The following NFYC variants were observed in gnomAD, a reference collection of about 807,000 sequenced individuals.
NFYC encodes the protein nuclear transcription factor Y subunit gamma, also known as CAAT box DNA-binding protein subunit C.
Under a neutral mutation model 53.1 loss-of-function variants are expected in NFYC, and 25 were observed. The observed-to-expected ratio is 0.47, with a 90% CI of 0.34 to 0.66. NFYC has a LOEUF of 0.66. NFYC is among the 30% of genes least tolerant of loss of function. NFYC has a pLI of 0.01. For synonymous variants in NFYC, 145 were observed against 152.6 expected (o/e 0.95, Z 0.37); for missense variants, 260 against 422.7 (o/e 0.62, Z 3.38).
At chr1:40,757,421 A>G in intron 5 of NFYC, 1 of 516,794 alleles carries the variant, frequency 1.9e-6, no homozygotes, top group South Asian at 1.4e-5. Context: ...ATCGGACAGA[A>G]TGCGACCTCC....
chr1:40,751,784 C>A (rs543054890), intron 4 of NFYC, among the ~76,000 whole-genome samples: 1 of 152,076 alleles, frequency 6.6e-6, no homozygotes, highest in South Asian at 2.1e-4. Flanking sequence ...TCTTTTTCCC[C>A]TTTTATTCCA....
intron 1 of NFYC, among the ~76,000 whole-genome samples, chr1:40,696,024 G>GTTTTTTT (rs35472258): frequency 7.3e-6 from 1 of 136,678 alleles, no homozygotes; most frequent in African/African-American, 2.7e-5. Flanking sequence ...TTGTAATTCT[G>GTTTTTTT]TTTTTTTTTT....
At chr1:40,702,288 C>T (rs898448063) in intron 1 of NFYC, among the ~76,000 whole-genome samples, 5 of 151,370 alleles carry the variant, frequency 3.3e-5, no homozygotes, top group African/African-American at 9.7e-5. Context: ...ATTCTAATGA[C>T]GTGGTCATTG....
At chr1:40,727,679 C>T (rs1414611635) in intron 1 of NFYC, among the ~76,000 whole-genome samples, 8 of 151,962 alleles carry the variant, frequency 5.3e-5, no homozygotes, top group African/African-American at 1.9e-4. Context: ...TTCAGGCCCA[C>T]ACCACCATGC....
At chr1:40,709,831 G>C (rs1189992214) in intron 1 of NFYC, among the ~76,000 whole-genome samples, 2 of 152,174 alleles carry the variant, frequency 1.3e-5, no homozygotes, top group African/African-American at 4.8e-5. Context: ...ATGGAGAAAG[G>C]CTAATCATTT....
chr1:40,756,966 G>A (rs1442181861), intron 5 of NFYC, among the ~76,000 whole-genome samples: 1 of 152,216 alleles, frequency 6.6e-6, no homozygotes, highest in African/African-American at 2.4e-5. Flanking sequence ...ACAGTTGAGG[G>A]CACCTAACAT....
At chr1:40,702,028 C>T (rs1029058857) in intron 1 of NFYC, among the ~76,000 whole-genome samples, 2 of 152,126 alleles carry the variant, frequency 1.3e-5, no homozygotes, top group Non-Finnish European at 2.9e-5. Flanking sequence ...TCAAACAGCC[C>T]GTGCCTAACA....
intron 6 of NFYC, among the ~76,000 whole-genome samples, chr1:40,762,105 T>C (rs1477730976): frequency 8.5e-5 from 13 of 152,246 alleles, no homozygotes. Flanking sequence ...AACCATTGTG[T>C]GTGAGAGACA....
chr1:40,730,855 G>A (rs1006850534), intron 1 of NFYC, among the ~76,000 whole-genome samples: 1 of 152,184 alleles, frequency 6.6e-6, no homozygotes, highest in East Asian at 1.9e-4. Context: ...TCAACTAGTA[G>A]TACAGAGGGT....
At chr1:40,736,820 CAAAAAAAAAAAAAAA>C (rs71060396) in intron 1 of NFYC, among the ~76,000 whole-genome samples, 2 of 63,670 alleles carry the variant, frequency 3.1e-5, no homozygotes, top group Admixed American at 2.1e-4. Context: ...AAACTTATTC[CAAAAAAAAAAAAAAA>C]AAAAAAAAAG....
intron 6 of NFYC, among the ~76,000 whole-genome samples, chr1:40,759,597 T>C (rs954919114): frequency 2.0e-5 from 3 of 151,402 alleles, no homozygotes; most frequent in Admixed American, 6.6e-5. Context: ...GTATTATATA[T>C]GTGTGTATAT....
intron 1 of NFYC, among the ~76,000 whole-genome samples, chr1:40,701,861 G>A (rs968371983): frequency 7.9e-5 from 12 of 152,284 alleles, no homozygotes; most frequent in Middle Eastern, 3.4e-3. Flanking sequence ...AACTGGCCTC[G>A]ATGGAGTTGA....
At chr1:40,708,882 C>T (rs987650306) in intron 1 of NFYC, among the ~76,000 whole-genome samples, 2 of 152,212 alleles carry the variant, frequency 1.3e-5, no homozygotes, top group Admixed American at 6.5e-5. Flanking sequence ...CTTCTCTGGT[C>T]TATTGCCATA....
intron 1 of NFYC, among the ~76,000 whole-genome samples, chr1:40,728,577 C>CA (rs1644625350): frequency 6.6e-6 from 1 of 151,860 alleles, no homozygotes; most frequent in Non-Finnish European, 1.5e-5. Flanking sequence ...GCCTGGGCGA[C>CA]AGAGTGAGAC....
chr1:40,742,129 T>C (rs1645381813), intron 2 of NFYC, among the ~76,000 whole-genome samples: 1 of 151,658 alleles, frequency 6.6e-6, no homozygotes, highest in Non-Finnish European at 1.5e-5. Flanking sequence ...TAGGCTGGTC[T>C]CAAATTCCTG....
Position 40,723,793 on chromosome 1 carries a change from G to A in NFYC, c.-8-15043G>A, listed in dbSNP as rs1005358321. The A allele has an allele frequency of 2.6e-5, 4 of 151,830 alleles. No homozygotes were observed. The East Asian group carries it at 7.8e-4, about 29-fold the overall frequency. The allele number at this position is 151,830 out of a possible 1,614,324, so 9.4% of individuals were successfully genotyped here. A position where few individuals can be genotyped will look rare whatever the true frequency, so the allele number is the denominator to read the frequency against. ...CAAGCAGTCCTCCCGCCTCAGCCTC[G>A]TGAGTAGCTGGGACTACAGGTGTGG... On this transcript the variant is annotated intron_variant, in intron 1 of 9. Coordinates refer to ENST00000447388, the MANE Select transcript of NFYC (RefSeq NM_014223.5).
At chr1:40,710,923 A>T (rs1474925062) in intron 1 of NFYC, among the ~76,000 whole-genome samples, 1 of 152,210 alleles carries the variant, frequency 6.6e-6, no homozygotes, top group Non-Finnish European at 1.5e-5. Context: ...GCTCTATTTA[A>T]GATGAAAAGA....
At chr1:40,726,318 A>G (rs1012104116) in intron 1 of NFYC, among the ~76,000 whole-genome samples, 4 of 151,618 alleles carry the variant, frequency 2.6e-5, no homozygotes, top group Non-Finnish European at 5.9e-5. Context: ...GGGTTTCACC[A>G]TGTTGGCCAG....
chr1:40,701,317 G>A (rs146630461), intron 1 of NFYC, among the ~76,000 whole-genome samples: 1,757 of 152,214 alleles, frequency 0.012, 31 homozygotes, highest in African/African-American at 0.04. Flanking sequence ...GTTTCACCAC[G>A]TTGGCCAGGC....
Sources: allele counts gnomAD v4.1 joint callset (sites outside exome capture counted in the v4.1 genomes callset), GRCh38; gene constraint gnomAD v4.1.1; transcripts MANE v1.5; gene names NCBI Gene and HGNC (gene_info 2026-07-23, HGNC 2026-07-21).